Variants in HTR4 observed in about 807,000 individuals in gnomAD.
HTR4 encodes 5-hydroxytryptamine (serotonin) receptor 4, G protein-coupled.
Under a neutral mutation model 36.8 loss-of-function variants are expected in HTR4, and 16 were observed. The ratio of observed to expected loss-of-function variants is 0.43; its 90% CI spans 0.29 to 0.66. The LOEUF is 0.66. Ranked by LOEUF, HTR4 falls within the 30% of genes least tolerant of loss-of-function variation. The pLI is 0.13. For synonymous variants in HTR4, 189 were observed against 185.1 expected, an observed-to-expected ratio of 1.02 and a Z score of -0.17; for missense variants, 438 against 490.9, an observed-to-expected ratio of 0.89 and a Z score of 1.02.
intron 6 of HTR4, chr5:148,484,495 G>A: frequency 2.0e-6 from 2 of 976,154 alleles, no homozygotes. Flanking sequence ...GAAAAATTGG[G>A]GCAATATTTA....
chr5:148,460,343 A>G lies in HTR4; in HGVS notation c.1077-9071T>C, dbSNP rs564284983. 1.3e-4 allele frequency among the ~76,000 whole-genome samples: 20 copies of G among 152,290 alleles called. No homozygotes were observed. In the South Asian group the frequency reaches 3.3e-3, roughly 25 times the overall value. On this transcript the variant is annotated intron_variant, in intron 5 of 5. Transcript: ENST00000521530. ...AATGCCAACAAAATTACAACCAGGC[A>G]TTTCATTTTCCAACTAAAGAAAATC... is the stretch of plus-strand genomic sequence containing the variant.
chr5:148,620,558 A>T (rs1055557901), intron 2 of HTR4, among the ~76,000 whole-genome samples: 2 of 152,348 alleles, frequency 1.3e-5, no homozygotes, highest in Non-Finnish European at 1.5e-5. Context: ...CTAAGTACAA[A>T]AATATATACT....
intron 2 of HTR4, among the ~76,000 whole-genome samples, chr5:148,555,125 C>A (rs1759884820): frequency 6.6e-6 from 1 of 152,040 alleles, no homozygotes. Flanking sequence ...CTGTACAGGG[C>A]TCCTATATTG....
At chr5:148,598,573 G>C (rs1761870686) in intron 2 of HTR4, among the ~76,000 whole-genome samples, 1 of 151,962 alleles carries the variant, frequency 6.6e-6, no homozygotes, top group South Asian at 2.1e-4. Context: ...AAAAAAGCCA[G>C]TAGTTGAGAT....
At chr5:148,611,285 G>A (rs1468898245) in intron 2 of HTR4, among the ~76,000 whole-genome samples, 5 of 151,606 alleles carry the variant, frequency 3.3e-5, no homozygotes, top group Admixed American at 2.6e-4. Context: ...GAGAAAGGTC[G>A]GGTTACTCTC....
In HTR4 at chr5:148,509,678, A is replaced by G. The variant is rs1271242835; in HGVS notation, c.854T>C (p.Ile285Thr). The G allele has an allele frequency of 9.9e-6, 16 of 1,613,986 alleles. No homozygotes were observed. In the Admixed American group the frequency reaches 1.7e-4, roughly 17 times the overall value. Residue 285 changes from isoleucine to threonine, a missense_variant, in exon 6 of 7, where the codon ATA (isoleucine) becomes ACA (threonine). Coordinates refer to ENST00000377888, the MANE Select transcript of HTR4 (RefSeq NM_000870.7). ...CACCTGCCCAGGGACAGTGTAGTCT[A>G]TGAAAGGATCCACAATATTGGTGAC... ...FFVTNIVDPF[I>T]DYTVPGQVWT...
chr5:148,507,897 G>A (rs1757301141), intron 6 of HTR4, among the ~76,000 whole-genome samples: 1 of 152,188 alleles, frequency 6.6e-6, no homozygotes. Flanking sequence ...CCACACAGAA[G>A]TTCTTGTACA....
At chr5:148,525,446 C>T (rs745371136) in intron 4 of HTR4, among the ~76,000 whole-genome samples, 7 of 152,034 alleles carry the variant, frequency 4.6e-5, no homozygotes, top group Non-Finnish European at 1.0e-4. Context: ...GGAGTTATCT[C>T]TTTGCTGTTG....
chr5:148,624,970 T>G (rs758697856), intron 2 of HTR4, among the ~76,000 whole-genome samples: 1 of 152,134 alleles, frequency 6.6e-6, no homozygotes, highest in Non-Finnish European at 1.5e-5. Context: ...CAAACAACAA[T>G]GACAATTATA....
intron 1 of HTR4, among the ~76,000 whole-genome samples, chr5:148,637,397 C>T (rs1049760648): frequency 6.6e-6 from 1 of 152,094 alleles, no homozygotes; most frequent in Non-Finnish European, 1.5e-5. Context: ...TAGGTAGCTA[C>T]ATTCTTATGC....
At chr5:148,453,747 G>C (rs1353252648) in intron 5 of HTR4, among the ~76,000 whole-genome samples, 1 of 152,194 alleles carries the variant, frequency 6.6e-6, no homozygotes, top group Non-Finnish European at 1.5e-5. Context: ...TGAGGGGTCT[G>C]AGCAGAGCAC....
At chr5:148,646,801 T>C (rs993139828) in intron 1 of HTR4, among the ~76,000 whole-genome samples, 1 of 152,116 alleles carries the variant, frequency 6.6e-6, no homozygotes, top group Non-Finnish European at 1.5e-5. Context: ...CTGCAATTAT[T>C]CTCATTTCAC....
intron 5 of HTR4, among the ~76,000 whole-genome samples, chr5:148,453,062 G>T (rs1239714104): frequency 1.3e-5 from 2 of 152,208 alleles, no homozygotes; most frequent in African/African-American, 2.4e-5. Flanking sequence ...GGAAGGAAAG[G>T]GGCTCGCTCC....
At chr5:148,451,513 AG>A (rs1243621776) in intron 5 of HTR4, among the ~76,000 whole-genome samples, 1 of 152,106 alleles carries the variant, frequency 6.6e-6, no homozygotes, top group Non-Finnish European at 1.5e-5. Context: ...AGGAGTGCAT[AG>A]GGGGTAAGTG....
chr5:148,504,742 G>T (rs1053749997), intron 6 of HTR4, among the ~76,000 whole-genome samples: 20 of 151,930 alleles, frequency 1.3e-4, no homozygotes, highest in Admixed American at 6.6e-4. Context: ...TTGATAGACC[G>T]CTAGCAAGAC....
chr5:148,592,686 A>T (rs1014690869), intron 2 of HTR4, among the ~76,000 whole-genome samples: 2 of 152,034 alleles, frequency 1.3e-5, no homozygotes, highest in African/African-American at 4.8e-5. Flanking sequence ...ATTCTGAAAA[A>T]ATTCCAGCCA....
chr5:148,503,948 C>T (rs1002779850), intron 6 of HTR4, among the ~76,000 whole-genome samples: 1 of 152,150 alleles, frequency 6.6e-6, no homozygotes, highest in South Asian at 2.1e-4. Flanking sequence ...AGCTAACTAT[C>T]CTAAATAGAT....
At chr5:148,519,199 A>C (rs1362193234) in intron 5 of HTR4, among the ~76,000 whole-genome samples, 5 of 152,204 alleles carry the variant, frequency 3.3e-5, no homozygotes, top group African/African-American at 1.2e-4. Flanking sequence ...AAACATGTGA[A>C]GAATTTAGTA....
At chr5:148,548,965 A>G in intron 3 of HTR4, 97 bp from the exon 4 acceptor site, 2 of 832,466 alleles carry the variant, frequency 2.4e-6, no homozygotes, top group Admixed American at 2.2e-5. Context: ...GAAAAGGGAA[A>G]CAAAGAAAGA....
Sources: allele counts gnomAD v4.1 joint callset (sites outside exome capture counted in the v4.1 genomes callset), GRCh38; gene constraint gnomAD v4.1.1; transcripts MANE v1.5; gene names NCBI Gene and HGNC (gene_info 2026-07-23, HGNC 2026-07-21).